The following GCLM variants were observed in gnomAD, a reference collection of about 807,000 sequenced individuals.
The protein encoded by GCLM is glutamate-cysteine ligase modifier subunit.
GCLM carries 15 observed loss-of-function variants against 36.0 expected under a neutral mutation model. The ratio of observed to expected loss-of-function variants is 0.42; its 90% CI spans 0.28 to 0.64. The LOEUF (loss-of-function observed/expected upper bound fraction) is 0.64, where lower values mean the gene tolerates loss of function less well. GCLM is among the 30% of genes least tolerant of loss of function. GCLM has a pLI of 0.25. For missense variants in GCLM, 242 were observed against 325.5 expected (o/e 0.74, Z 1.97); for synonymous variants, 129 against 122.8 (o/e 1.05, Z -0.34).
In GCLM at chr1:93,888,917, A is replaced by C; in HGVS notation, c.*73T>G. On this transcript the variant is annotated 3_prime_UTR_variant, in exon 7 of 7. Transcript: ENST00000370238. ...CTCAATGACACCATTTACAGGCAGT[A>C]ACTAGATTTTTACACATCTCAATTT... is the stretch of plus-strand genomic sequence containing the variant. 2 of 986,774 alleles carry C rather than the reference A, an allele frequency of 2.0e-6. No homozygotes were observed. Among genetic ancestry groups the C allele is most frequent in the Admixed American group, 5.4e-5 (2 of 37,022 alleles). 61.1% of individuals were successfully genotyped at this position (986,774 alleles called of 1,614,324 possible).
chr1:93,896,023 C>T (rs1455848231), intron 5 of GCLM, among the ~76,000 whole-genome samples: 4 of 145,612 alleles, frequency 2.7e-5, no homozygotes, highest in African/African-American at 5.1e-5. Context: ...AGTACAGTGG[C>T]GCAATCTCAG....
At chr1:93,907,394 TTAAAA>T (rs1270924169) in intron 1 of GCLM, among the ~76,000 whole-genome samples, 22 of 152,136 alleles carry the variant, frequency 1.4e-4, no homozygotes, top group Admixed American at 6.5e-4. Flanking sequence ...ATTTTAAAAA[TTAAAA>T]TAAAAGAAAA....
Position 93,901,629 on chromosome 1 carries a change from A to G in GCLM, c.233T>C (p.Val78Ala), listed in dbSNP as rs1223227481. The change falls in exon 3 of 7, where the codon GTA becomes GCA. Residue 78 changes from valine (V) to alanine (A), a missense_variant. Transcript: ENST00000370238. ...DVLECTVSHA[V>A]EKINPDEREE... ...TCTTTCATCAGGATTTATCTTTTCT[A>G]CTGCATGAGATACAGTGCATTCCAA... The G allele has an allele frequency of 3.2e-6, 5 of 1,582,390 alleles. No homozygotes were observed. In the South Asian group the frequency reaches 4.4e-5, roughly 14 times the overall value.
chr1:93,908,990 G>A (rs1448295547), intron 1 of GCLM, 48 bp downstream of exon 1: 16 of 1,376,904 alleles, frequency 1.2e-5, no homozygotes, highest in South Asian at 3.1e-5. Flanking sequence ...GCCCGGCCCC[G>A]CCCGAGGCCT....
At chr1:93,905,979 G>C (rs919205938) in intron 1 of GCLM, among the ~76,000 whole-genome samples, 1 of 152,162 alleles carries the variant, frequency 6.6e-6, no homozygotes, top group African/African-American at 2.4e-5. Flanking sequence ...TGAGTAACTA[G>C]AGGCAAGCCC....
intron 3 of GCLM, among the ~76,000 whole-genome samples, chr1:93,898,625 TCAC>T (rs1221983473): frequency 2.0e-5 from 3 of 151,926 alleles, no homozygotes; most frequent in Non-Finnish European, 2.9e-5. Flanking sequence ...CAGGTGTGAA[TCAC>T]CACAATTTTT....
chr1:93,898,664 A>C (rs1429517039), intron 3 of GCLM, among the ~76,000 whole-genome samples: 2 of 151,694 alleles, frequency 1.3e-5, no homozygotes, highest in Non-Finnish European at 2.9e-5. Context: ...TCTCACTTTC[A>C]TCCAGGCTGG....
At chr1:93,903,909 T>TA (rs1057484045) in intron 2 of GCLM, among the ~76,000 whole-genome samples, 9 of 152,052 alleles carry the variant, frequency 5.9e-5, no homozygotes, top group Admixed American at 3.9e-4. Context: ...GAGATTGATT[T>TA]AAAAAAAACC....
chr1:93,905,052 T>C (rs374782450), intron 1 of GCLM, among the ~76,000 whole-genome samples: 63 of 151,760 alleles, frequency 4.2e-4, no homozygotes, highest in African/African-American at 1.5e-3. Context: ...TGCAAGCCTG[T>C]AGTAGCTACT....
intron 4 of GCLM, 37 bp from the exon 5 acceptor site, chr1:93,896,857 A>G: frequency 1.8e-6 from 2 of 1,138,782 alleles, no homozygotes; most frequent in South Asian, 2.5e-5. Flanking sequence ...ATAAATGCTT[A>G]CATCATAAAA....
chr1:93,908,980 G>T, intron 1 of GCLM, 58 bp downstream of exon 1: 1 of 1,351,058 alleles, frequency 7.4e-7, no homozygotes, highest in Non-Finnish European at 9.5e-7. Flanking sequence ...TGCCGGAACC[G>T]CCCGGCCCCG....
chr1:93,887,796 T>C lies in GCLM; in HGVS notation c.*1194A>G, dbSNP rs982139910. 1 of 152,140 alleles carries C rather than the reference T, an allele frequency of 6.6e-6. No homozygotes were observed. The highest frequency in any genetic ancestry group is 2.4e-5 in the African/African-American group (1 of 41,420). 9.4% of individuals were successfully genotyped at this position (152,140 alleles called of 1,614,324 possible). A position where few individuals can be genotyped will look rare whatever the true frequency, so the allele number is the denominator to read the frequency against. The stretch of plus-strand genomic sequence containing the variant: ...ATACAAGAGATTTTTAAAGAAGTTT[T>C]CAAACTATTCAGGTTACAGACACAA... On this transcript the variant is annotated 3_prime_UTR_variant, in exon 7 of 7. Coordinates refer to ENST00000370238, the MANE Select transcript of GCLM (RefSeq NM_002061.4).
intron 2 of GCLM, among the ~76,000 whole-genome samples, chr1:93,903,771 A>G (rs968428210): frequency 1.3e-5 from 2 of 152,208 alleles, no homozygotes; most frequent in East Asian, 3.8e-4. Context: ...TTACATTTAC[A>G]ATATCATACA....
chr1:93,891,092 T>A (rs185596196), intron 6 of GCLM, among the ~76,000 whole-genome samples: 4 of 152,238 alleles, frequency 2.6e-5, no homozygotes, highest in Admixed American at 1.3e-4. Flanking sequence ...CTTACTATGT[T>A]GCTTAGGCTG....
At chr1:93,890,437 A>G (rs1159527260) in intron 6 of GCLM, among the ~76,000 whole-genome samples, 2 of 152,246 alleles carry the variant, frequency 1.3e-5, no homozygotes, top group South Asian at 4.1e-4. Flanking sequence ...CCATATACAC[A>G]TAAATAATGC....
chr1:93,890,288 ATATAT>A (rs1316132635), intron 6 of GCLM, among the ~76,000 whole-genome samples: 4 of 152,166 alleles, frequency 2.6e-5, no homozygotes, highest in Non-Finnish European at 5.9e-5. Flanking sequence ...AGGACTATAT[ATATAT>A]TATAACCATA....
Position 93,909,073 on chromosome 1 carries a change from G to A in GCLM, c.91C>T (p.Leu31=). 1 of 1,475,262 alleles carries A rather than the reference G, an allele frequency of 6.8e-7. No individual in the cohort carries two copies. Among genetic ancestry groups the A allele is most frequent in the Non-Finnish European group, 8.9e-7 (1 of 1,118,976 alleles). 91.4% of individuals were successfully genotyped at this position (1,475,262 alleles called of 1,614,324 possible). A position where few individuals can be genotyped will look rare whatever the true frequency, so the allele number is the denominator to read the frequency against. ...TGCGTGGACGGGCACTTCTTCCGCA[G>A]GCGGCCCCAGTTCAGCAGGTTCCCC... ...QTGNLLNWGR[L]RKKCPSTHSE... is the part of the protein sequence containing the mutation. Residue 31 remains leucine, a synonymous_variant, in exon 1 of 7, where the codon CTG becomes TTG. Transcript: ENST00000370238.
Position 93,886,684 on chromosome 1 carries a change from T to A in GCLM, c.*2306A>T, listed in dbSNP as rs1304413653. 6.6e-6 allele frequency: 1 copy of A among 151,756 alleles called. No individual in the cohort carries two copies. The highest frequency in any genetic ancestry group is 2.4e-5 in the African/African-American group (1 of 41,258). 9.4% of individuals were successfully genotyped at this position (151,756 alleles called of 1,614,324 possible). On this transcript the variant is annotated 3_prime_UTR_variant, in exon 7 of 7. Coordinates refer to ENST00000370238, the MANE Select transcript of GCLM (RefSeq NM_002061.4). ...GTTTAGATACATTAGCAACTAAGTT[T>A]TTTTTTCCCCCACTTTCAAAATAAC...
rs1340662090 is a variant in GCLM, at chr1:93,886,346, T to C, written c.*2644A>G. ...CTTAGCTTTCAGTTTTAAGTAATTA[T>C]TTGGTAGTATTACCACTCTCTATTT... On this transcript the variant is annotated 3_prime_UTR_variant, in exon 7 of 7. Coordinates refer to ENST00000370238, the MANE Select transcript of GCLM (RefSeq NM_002061.4). The C allele has an allele frequency of 6.6e-6, 1 of 152,200 alleles. No homozygotes were observed. The highest frequency in any genetic ancestry group is 6.5e-5 in the Admixed American group (1 of 15,276). The allele number at this position is 152,200 out of a possible 1,614,324, so 9.4% of individuals were successfully genotyped here. A position where few individuals can be genotyped will look rare whatever the true frequency, so the allele number is the denominator to read the frequency against.
Sources: allele counts gnomAD v4.1 joint callset (sites outside exome capture counted in the v4.1 genomes callset), GRCh38; gene constraint gnomAD v4.1.1; transcripts MANE v1.5; gene names NCBI Gene and HGNC (gene_info 2026-07-23, HGNC 2026-07-21).